XXYLT1: variants seen among roughly 807,000 people sequenced by gnomAD.
XXYLT1 encodes the protein xyloside xylosyltransferase 1, also known as UDP-xylose:alpha-xyloside alpha-1,3-xylosyltransferase.
XXYLT1 carries 20 observed loss-of-function variants against 28.9 expected under a neutral mutation model. The observed-to-expected ratio is 0.69, with a 90% confidence interval of 0.49 to 1.00. The LOEUF (loss-of-function observed/expected upper bound fraction) is 1.00, where lower values mean the gene tolerates loss of function less well. Ranked by LOEUF, XXYLT1 falls within the 50% of genes least tolerant of loss-of-function variation. The pLI is 0.00. For missense variants in XXYLT1, 542 were observed against 560.1 expected, an observed-to-expected ratio of 0.97 and a Z score of 0.33; for synonymous variants, 257 against 253.8, an observed-to-expected ratio of 1.01 and a Z score of -0.12.
chr3:195,070,472 G>A (rs1042223407), intron 3 of XXYLT1, among the ~76,000 whole-genome samples: 5 of 152,086 alleles, frequency 3.3e-5, no homozygotes, highest in African/African-American at 1.2e-4. Context: ...CGCACAGAGA[G>A]GTCAAGGTAT....
chr3:195,244,440 G>A (rs533091395), intron 1 of XXYLT1, among the ~76,000 whole-genome samples: 11 of 152,188 alleles, frequency 7.2e-5, no homozygotes, highest in Admixed American at 2.6e-4. Context: ...AGTCAGGGTC[G>A]GCAGTCAGGC....
At chr3:195,262,732 A>G (rs1725733232) in intron 1 of XXYLT1, among the ~76,000 whole-genome samples, 1 of 152,218 alleles carries the variant, frequency 6.6e-6, no homozygotes, top group South Asian at 2.1e-4. Flanking sequence ...AGTTTATTGT[A>G]TTTGATACAA....
intron 1 of XXYLT1, among the ~76,000 whole-genome samples, chr3:195,248,876 C>A (rs752922082): frequency 6.6e-6 from 1 of 152,116 alleles, no homozygotes; most frequent in Admixed American, 6.6e-5. Flanking sequence ...GCCAAGATTG[C>A]GCCACTGTAC....
At chr3:195,070,662 G>C (rs976925208) in intron 3 of XXYLT1, among the ~76,000 whole-genome samples, 3 of 152,220 alleles carry the variant, frequency 2.0e-5, no homozygotes, top group Non-Finnish European at 2.9e-5. Flanking sequence ...ATCCTGAACA[G>C]AGATCTCATC....
At chr3:195,075,493 C>T (rs1715061984) in intron 3 of XXYLT1, among the ~76,000 whole-genome samples, 1 of 152,198 alleles carries the variant, frequency 6.6e-6, no homozygotes, top group Non-Finnish European at 1.5e-5. Flanking sequence ...TGCCTCTGCC[C>T]AGAAAAGGGA....
intron 2 of XXYLT1, among the ~76,000 whole-genome samples, chr3:195,214,091 G>A (rs1310279239): frequency 6.6e-6 from 1 of 152,198 alleles, no homozygotes; most frequent in Non-Finnish European, 1.5e-5. Flanking sequence ...CAAAGTCTGA[G>A]CAAGACCTTA....
intron 1 of XXYLT1, among the ~76,000 whole-genome samples, chr3:195,265,649 C>G (rs1035763592): frequency 6.6e-6 from 1 of 152,170 alleles, no homozygotes; most frequent in Non-Finnish European, 1.5e-5. Context: ...ATCATTTTCC[C>G]AGAAGTCAGT....
intron 3 of XXYLT1, among the ~76,000 whole-genome samples, chr3:195,108,477 G>A (rs575083748): frequency 2.6e-5 from 4 of 152,096 alleles, no homozygotes; most frequent in East Asian, 1.9e-4. Context: ...TTTACAAATC[G>A]TAAAGAAAAA....
Position 195,240,060 on chromosome 3 carries a change from T to A in XXYLT1, c.505-13204A>T, listed in dbSNP as rs1477670301. ...TCTGCCTACTTTTATTTTTAATTAC[T>A]TCTGCATCTAAATTCAGTAATGACT... On this transcript the variant is annotated intron_variant, in intron 1 of 3. Transcript: ENST00000310380. The surrounding 1 kb of genome is among the most constrained non-coding windows in gnomAD (Gnocchi z 4.7). Among the ~76,000 whole-genome samples the A allele has an allele frequency of 6.6e-6, 1 of 152,252 alleles. No homozygotes were observed. Among genetic ancestry groups the A allele is most frequent in the Non-Finnish European group, 1.5e-5 (1 of 68,040 alleles).
chr3:195,265,159 C>T (rs1320426643), intron 1 of XXYLT1, among the ~76,000 whole-genome samples: 1 of 151,962 alleles, frequency 6.6e-6, no homozygotes, highest in Non-Finnish European at 1.5e-5. Flanking sequence ...CACCTGAGGT[C>T]AGGAGTTCAT....
At chr3:195,143,810 A>ATTTTTTTTTTTTT (rs1433066082) in intron 3 of XXYLT1, among the ~76,000 whole-genome samples, 1 of 95,898 alleles carries the variant, frequency 1.0e-5, no homozygotes, top group Non-Finnish European at 2.2e-5. Context: ...AGATAGATAT[A>ATTTTTTTTTTTTT]TATAGATATA....
chr3:195,142,360 G>A (rs1366138314), intron 3 of XXYLT1, among the ~76,000 whole-genome samples: 1 of 152,156 alleles, frequency 6.6e-6, no homozygotes, highest in Non-Finnish European at 1.5e-5. Flanking sequence ...CGGTGGCAGG[G>A]TCTCATTCAG....
intron 1 of XXYLT1, among the ~76,000 whole-genome samples, chr3:195,262,363 A>T (rs1487791140): frequency 6.6e-6 from 1 of 152,186 alleles, no homozygotes; most frequent in Non-Finnish European, 1.5e-5. Context: ...TAATGGATAC[A>T]GGGTTTCTGA....
intron 3 of XXYLT1, among the ~76,000 whole-genome samples, chr3:195,096,413 G>A (rs761635620): frequency 6.6e-6 from 1 of 152,150 alleles, no homozygotes; most frequent in Admixed American, 6.6e-5. Flanking sequence ...ACACACACAC[G>A]TATATATACA....
intron 2 of XXYLT1, among the ~76,000 whole-genome samples, chr3:195,174,966 C>T (rs1721589934): frequency 6.6e-6 from 1 of 152,116 alleles, no homozygotes; most frequent in Admixed American, 6.5e-5. Flanking sequence ...TCTCATAAGA[C>T]TGTAAGCTCC....
chr3:195,172,189 C>T (rs1325339300), intron 2 of XXYLT1, among the ~76,000 whole-genome samples: 1 of 152,168 alleles, frequency 6.6e-6, no homozygotes, highest in Non-Finnish European at 1.5e-5. Flanking sequence ...TTTTCTGCTC[C>T]AAGACAGACA....
At chr3:195,222,504 G>A (rs187899533) in intron 2 of XXYLT1, among the ~76,000 whole-genome samples, 259 of 152,254 alleles carry the variant, frequency 1.7e-3, no homozygotes, top group African/African-American at 5.9e-3. Flanking sequence ...GCCTTATAAG[G>A]GTCACCTCTG....
intron 2 of XXYLT1, among the ~76,000 whole-genome samples, chr3:195,201,930 G>C (rs1191200069): frequency 6.6e-6 from 1 of 152,172 alleles, no homozygotes; most frequent in Non-Finnish European, 1.5e-5. Context: ...TGTAATCTCA[G>C]CACTTTGGGA....
chr3:195,152,488 T>C (rs1720329291), intron 3 of XXYLT1: 1 of 152,396 alleles, frequency 6.6e-6, no homozygotes, highest in African/African-American at 2.4e-5. Context: ...TACACTAATA[T>C]CCCACGATCC....
Sources: allele counts gnomAD v4.1 joint callset (sites outside exome capture counted in the v4.1 genomes callset), GRCh38; gene constraint gnomAD v4.1.1; non-coding constraint Gnocchi (gnomAD v3.1); transcripts MANE v1.5; gene names NCBI Gene and HGNC (gene_info 2026-07-23, HGNC 2026-07-21).